TFEC: variants seen among roughly 807,000 people sequenced by gnomAD.
The protein encoded by TFEC is class E basic helix-loop-helix protein 34.
Under a neutral mutation model 41.6 loss-of-function variants are expected in TFEC, and 31 were observed. That is an observed-to-expected ratio of 0.74 (90% CI 0.56 to 1.01). TFEC has a LOEUF of 1.01. Among genes scored for constraint, TFEC ranks in the 50% least tolerant of loss-of-function variants. The pLI, the probability that TFEC is intolerant of heterozygous loss-of-function variation, is 0.00. For synonymous variants in TFEC, 143 were observed against 140.6 expected (o/e 1.02, Z -0.12); for missense variants, 402 against 404.1 (o/e 0.99, Z 0.04).
Position 116,111,111 on chromosome 7 carries a change from TA to T in TFEC, c.-21-186del, listed in dbSNP as rs374892440. Reference sequence around the variant, plus strand: ...AAGAGGTAATTCTTAATGTTCAAGTTAAAAAAAAAAAAAAGATGAGAAGAAA... The same window carrying T: ...AAGAGGTAATTCTTAATGTTCAAGTTAAAAAAAAAAAAAGATGAGAAGAAA... On this transcript the variant is annotated intron_variant, in intron 2 of 8. Transcript: ENST00000484212. 8.9e-3 allele frequency among the ~76,000 whole-genome samples: 1,242 copies of T among 139,072 alleles called. 4 individuals are homozygous for T. Among genetic ancestry groups the T allele is most frequent in the East Asian group, 0.023 (110 of 4,884 alleles). The allele number at this position is 139,072 out of a possible 152,430, so 91.2% of individuals were successfully genotyped here. A position where few individuals can be genotyped will look rare whatever the true frequency, so the allele number is the denominator to read the frequency against.
At chr7:116,107,256 A>G (rs1004987139) in intron 3 of TFEC, among the ~76,000 whole-genome samples, 8 of 152,070 alleles carry the variant, frequency 5.3e-5, no homozygotes, top group Non-Finnish European at 1.2e-4. Context: ...TTTGCCTCCC[A>G]ATTATAATAA....
intron 6 of TFEC, among the ~76,000 whole-genome samples, chr7:115,948,145 C>T (rs1169951416): frequency 6.6e-6 from 1 of 151,584 alleles, no homozygotes; most frequent in African/African-American, 2.4e-5. Context: ...AAGACTAAAC[C>T]AGGAAGAAGT....
rs545311717 is a variant in TFEC at position 116,044,074 on chromosome 7, C to T, written c.199-59561G>A. ...ACAGTCTCTGAAATTATAGCATCTA[C>T]ATGTATGGCAGAATTAGAATCTAAG... On this transcript the variant is annotated intron_variant, in intron 3 of 8. Transcript: ENST00000484212. 2.6e-5 allele frequency among the ~76,000 whole-genome samples: 4 copies of T among 152,244 alleles called. No individual in the cohort carries two copies. The South Asian group carries it at 8.3e-4, about 32-fold the overall frequency.
At chr7:116,037,479 T>C (rs1448454313) in intron 3 of TFEC, among the ~76,000 whole-genome samples, 1 of 151,992 alleles carries the variant, frequency 6.6e-6, no homozygotes, top group East Asian at 1.9e-4. Flanking sequence ...ATTGTACCTT[T>C]AGAGTTGTTA....
intron 1 of TFEC, among the ~76,000 whole-genome samples, chr7:116,128,652 T>C (rs1189477387): frequency 6.6e-6 from 1 of 152,196 alleles, no homozygotes; most frequent in Non-Finnish European, 1.5e-5. Context: ...TTGTTATTGA[T>C]CTGCAGTACT....
chr7:115,966,270 G>C (rs967122753), intron 3 of TFEC, among the ~76,000 whole-genome samples: 17 of 151,684 alleles, frequency 1.1e-4, no homozygotes, highest in African/African-American at 3.9e-4. Flanking sequence ...CTGTGCCCAT[G>C]GCTCTCAACA....
Position 115,954,621 on chromosome 7 carries a change from G to T in TFEC, c.404C>A (p.Ala135Glu). ...EITETDTRALAKERQKKDNHN... is the reference protein window; with the variant it reads ...EITETDTRALEKERQKKDNHN... ...GTTGTCCTTTTTTTGTCTCTCTTTT[G>T]CTAAAGCTCTAGTGTCAGTTTCTGA... The change falls in exon 5 of 8, where the codon GCA becomes GAA. Residue 135 changes from alanine to glutamate, a missense_variant. Transcript: ENST00000265440. 2 of 1,611,356 alleles carry T rather than the reference G, an allele frequency of 1.2e-6. No homozygotes were observed. The highest frequency in any genetic ancestry group is 1.7e-6 in the Non-Finnish European group (2 of 1,178,778).
At chr7:116,059,377 CT>C (rs1796500679) in intron 3 of TFEC, among the ~76,000 whole-genome samples, 1 of 151,840 alleles carries the variant, frequency 6.6e-6, no homozygotes, top group African/African-American at 2.4e-5. Context: ...AAGAAGAAAA[CT>C]CTAAGCTCAG....
At chr7:116,122,893 T>C (rs540102057) in intron 1 of TFEC, among the ~76,000 whole-genome samples, 10 of 152,174 alleles carry the variant, frequency 6.6e-5, no homozygotes, top group South Asian at 2.1e-4. Context: ...AGCTATGTAA[T>C]AGATGCCCTT....
chr7:116,133,552 A>G (rs886479472), intron 1 of TFEC, among the ~76,000 whole-genome samples: 3 of 151,954 alleles, frequency 2.0e-5, no homozygotes, highest in East Asian at 3.9e-4. Flanking sequence ...AAAAAAAAAA[A>G]GTAGGGGGAT....
At chr7:116,116,761 T>C (rs1260104051) in intron 1 of TFEC, among the ~76,000 whole-genome samples, 1 of 151,894 alleles carries the variant, frequency 6.6e-6, no homozygotes, top group Non-Finnish European at 1.5e-5. Flanking sequence ...TTGAAGGGTC[T>C]ACTGATTCTT....
intron 1 of TFEC, among the ~76,000 whole-genome samples, chr7:116,132,127 G>A (rs1021617893): frequency 6.6e-6 from 1 of 152,126 alleles, no homozygotes; most frequent in East Asian, 1.9e-4. Context: ...ATGCATAGCA[G>A]GTGATAAGAT....
At chr7:115,960,465 C>G (rs547225564) in intron 3 of TFEC, among the ~76,000 whole-genome samples, 1 of 151,648 alleles carries the variant, frequency 6.6e-6, no homozygotes, top group South Asian at 2.1e-4. Context: ...GATCGAATAT[C>G]TTGGTAAAGT....
At chr7:116,041,852 G>A (rs1031736573) in intron 3 of TFEC, among the ~76,000 whole-genome samples, 2 of 152,098 alleles carry the variant, frequency 1.3e-5, no homozygotes, top group Admixed American at 6.6e-5. Flanking sequence ...TGTGGCTGTT[G>A]GTGACTCTAA....
rs187529920 is a variant in TFEC at position 116,124,091 on chromosome 7, A to G, written c.-68-12053T>C. Among the ~76,000 whole-genome samples the G allele has an allele frequency of 3.9e-4, 60 of 152,244 alleles. 1 individual carries two copies. In the East Asian group the frequency reaches 0.01, roughly 26 times the overall value. On this transcript the variant is annotated intron_variant, in intron 1 of 8. Transcript: ENST00000484212. Reference sequence around the variant, plus strand: ...TATATTCCATGAGTGGAAAAAGATTAATTTTATCCACCTTTATTATGTAAA... The same window carrying G: ...TATATTCCATGAGTGGAAAAAGATTGATTTTATCCACCTTTATTATGTAAA...
intron 1 of TFEC, chr7:116,121,336 C>G (rs1411333272): frequency 6.6e-6 from 1 of 151,944 alleles, no homozygotes; most frequent in Admixed American, 6.6e-5. Context: ...AAGCCACATA[C>G]ATGAAATGTC....
rs1461853831 is a variant in TFEC at position 115,954,589 on chromosome 7, G to A, written c.436C>T (p.Leu146Phe). 5 of 1,610,974 alleles carry A rather than the reference G, an allele frequency of 3.1e-6. No individual in the cohort carries two copies. The highest frequency in any genetic ancestry group is 1.7e-5 in the Admixed American group (1 of 59,794). ...KERQKKDNHN[L>F]IERRRRYNIN... ...ATATGGAAAAATATATACTCACTGAGGTTGTGGTTGTCCTTTTTTTGTCTC... is the reference window on the plus strand; with the variant it reads ...ATATGGAAAAATATATACTCACTGAAGTTGTGGTTGTCCTTTTTTTGTCTC... The change falls in exon 5 of 8, where the codon CTC becomes TTC. Residue 146 changes from leucine (L) to phenylalanine (F), a missense_variant. Leu to Phe is a conservative substitution (Grantham distance 22). Coordinates refer to ENST00000265440, the MANE Select transcript of TFEC (RefSeq NM_012252.4).
At chr7:116,035,938 A>G (rs941349593) in intron 3 of TFEC, among the ~76,000 whole-genome samples, 2 of 152,048 alleles carry the variant, frequency 1.3e-5, no homozygotes, top group Non-Finnish European at 2.9e-5. Flanking sequence ...AAAATATGTG[A>G]CTACTTTGTA....
chr7:115,946,417 GT>G (rs1562878790), intron 6 of TFEC, among the ~76,000 whole-genome samples: 1 of 121,254 alleles, frequency 8.2e-6, no homozygotes, highest in East Asian at 2.6e-4. Context: ...GTGTGTGTGT[GT>G]GTGTGTGTGT....
Sources: gnomAD v4.1 joint callset for allele counts (sites outside exome capture counted in the v4.1 genomes callset) on GRCh38, gnomAD v4.1.1 for gene constraint, MANE v1.5 for transcripts, NCBI Gene and HGNC (gene_info 2026-07-23, HGNC 2026-07-21) for gene names.